The following MCUB variants were observed in gnomAD, a reference collection of about 807,000 sequenced individuals.
The protein encoded by MCUB is mitochondrial calcium uniporter dominant negative subunit beta.
In MCUB, 46 loss-of-function variants were observed where a neutral mutation model predicts 41.4. That is an observed-to-expected ratio of 1.11 (90% CI 0.88 to 1.42). The LOEUF is 1.42. Ranked by LOEUF, MCUB falls within the 40% of genes most tolerant of loss-of-function variation. The probability of loss-of-function intolerance (pLI) is 0.00; values close to 1 mark genes in which losing one functional copy is unlikely to be tolerated. For missense variants in MCUB, 403 were observed against 404.9 expected, an observed-to-expected ratio of 1.00 and a Z score of 0.04; for synonymous variants, 148 against 148.2, an observed-to-expected ratio of 1.00 and a Z score of 0.01.
At chr4:109,603,906 A>T (rs1420201264) in intron 1 of MCUB, among the ~76,000 whole-genome samples, 1 of 152,240 alleles carries the variant, frequency 6.6e-6, no homozygotes, top group Non-Finnish European at 1.5e-5. Context: ...CTCATTGAGA[A>T]CGGGCCATGA....
chr4:109,567,762 G>A (rs765301011), intron 1 of MCUB, among the ~76,000 whole-genome samples: 6 of 151,802 alleles, frequency 4.0e-5, no homozygotes, highest in Non-Finnish European at 7.4e-5. Flanking sequence ...GCAGTGGCAC[G>A]ATCTCAGCTC....
intron 4 of MCUB, among the ~76,000 whole-genome samples, chr4:109,667,800 C>T (rs1260779123): frequency 1.3e-5 from 2 of 150,698 alleles, no homozygotes; most frequent in East Asian, 3.9e-4. Flanking sequence ...CTATAGATTC[C>T]CCTCTGAGCA....
intron 1 of MCUB, among the ~76,000 whole-genome samples, chr4:109,642,744 C>T (rs1728747164): frequency 6.6e-6 from 1 of 152,008 alleles, no homozygotes; most frequent in South Asian, 2.1e-4. Flanking sequence ...GAATAGGAGG[C>T]TGGATCACAA....
rs192285662 is a variant in MCUB at position 109,572,819 on chromosome 4, C to T, written c.99+12383C>T. Among the ~76,000 whole-genome samples, 368 of 152,126 alleles carry T rather than the reference C, an allele frequency of 2.4e-3. 1 individual carries two copies. The highest frequency in any genetic ancestry group is 8.3e-3 in the African/African-American group (344 of 41,510). ...TCATACTACTACAATATAATTATTG[C>T]TTTATATAATGAAATGGCTAGATTG... On this transcript the variant is annotated intron_variant, in intron 1 of 7. Coordinates refer to ENST00000394650, the MANE Select transcript of MCUB (RefSeq NM_017918.5).
At position 109,612,263 on chromosome 4, in the gene MCUB, CT is replaced by C. The variant is rs56813205; in HGVS notation, c.100-46729del. 3.1e-3 allele frequency among the ~76,000 whole-genome samples: 354 copies of C among 114,790 alleles called. 4 individuals carry two copies. Among genetic ancestry groups the C allele is most frequent in the East Asian group, 0.014 (55 of 4,040 alleles). 75.3% of individuals were successfully genotyped at this position (114,790 alleles called of 152,430 possible). ...GGTATTTCTTCCTCCTCCTCCTTTT[CT>C]TTTTTTTTTTTTTTTTTTGAGAGCG... On this transcript the variant is annotated intron_variant, in intron 1 of 7. Coordinates refer to ENST00000394650, the MANE Select transcript of MCUB (RefSeq NM_017918.5).
chr4:109,611,584 A>T (rs941363747), intron 1 of MCUB, among the ~76,000 whole-genome samples: 2 of 152,218 alleles, frequency 1.3e-5, no homozygotes, highest in African/African-American at 4.8e-5. Flanking sequence ...ACAACAAAAA[A>T]ATTGTGACTT....
At chr4:109,602,882 A>G (rs779203067) in intron 1 of MCUB, among the ~76,000 whole-genome samples, 1 of 152,106 alleles carries the variant, frequency 6.6e-6, no homozygotes, top group Non-Finnish European at 1.5e-5. Context: ...TCTTGCATCT[A>G]TGATTTATAG....
At chr4:109,601,330 G>C (rs1203016230) in intron 1 of MCUB, among the ~76,000 whole-genome samples, 1 of 151,930 alleles carries the variant, frequency 6.6e-6, no homozygotes, top group East Asian at 1.9e-4. Context: ...TCAAATACTA[G>C]GTCTTATTCT....
At chr4:109,596,417 A>C (rs1727555951) in intron 1 of MCUB, among the ~76,000 whole-genome samples, 1 of 146,300 alleles carries the variant, frequency 6.8e-6, no homozygotes, top group Non-Finnish European at 1.5e-5. Flanking sequence ...AAGTCTCAAG[A>C]ATCCCATTAG....
chr4:109,608,983 G>A (rs1350225805), intron 1 of MCUB, among the ~76,000 whole-genome samples: 1 of 152,160 alleles, frequency 6.6e-6, no homozygotes, highest in Non-Finnish European at 1.5e-5. Flanking sequence ...TGCCTTGCTG[G>A]TGTTGGATAA....
chr4:109,597,400 C>T (rs1350473945), intron 1 of MCUB, among the ~76,000 whole-genome samples: 13 of 134,278 alleles, frequency 9.7e-5, no homozygotes, highest in South Asian at 2.5e-4. Flanking sequence ...GGCGGCTGGC[C>T]GGGCGGGGGG....
chr4:109,648,109 A>G (rs973179398), intron 1 of MCUB, among the ~76,000 whole-genome samples: 3 of 152,352 alleles, frequency 2.0e-5, no homozygotes, highest in African/African-American at 7.2e-5. Context: ...AAATATTTCA[A>G]TATTTTTTCT....
chr4:109,588,220 T>C (rs2126128058), intron 1 of MCUB, among the ~76,000 whole-genome samples: 1 of 152,346 alleles, frequency 6.6e-6, no homozygotes, highest in Admixed American at 6.5e-5. Flanking sequence ...TCTTTAACAA[T>C]GTGCCATCTA....
At chr4:109,624,890 A>C (rs1579071131) in intron 1 of MCUB, among the ~76,000 whole-genome samples, 1 of 152,210 alleles carries the variant, frequency 6.6e-6, no homozygotes, top group Non-Finnish European at 1.5e-5. Context: ...CTGTAATCCC[A>C]GCATTTTGGG....
intron 1 of MCUB, among the ~76,000 whole-genome samples, chr4:109,626,964 A>G (rs916698796): frequency 1.3e-5 from 2 of 152,174 alleles, no homozygotes; most frequent in Non-Finnish European, 2.9e-5. Context: ...GGACAAAACA[A>G]ATTTTATTTG....
chr4:109,656,355 T>A (rs1193567998), intron 1 of MCUB, among the ~76,000 whole-genome samples: 1 of 10,510 alleles, frequency 9.5e-5, no homozygotes, highest in Non-Finnish European at 1.8e-4. Flanking sequence ...TACTCTCTAC[T>A]TTTTTTTTTT....
In MCUB at chr4:109,682,640, A is replaced by G. The variant is rs1399484303; in HGVS notation, c.510A>G (p.Arg170=). The change falls in exon 5 of 8, where the codon AGA becomes AGG. Residue 170 remains arginine (R), a synonymous_variant. Coordinates refer to ENST00000394650, the MANE Select transcript of MCUB (RefSeq NM_017918.5). ...EMEHMKSLVH[R]LFTILHLEES... is the part of the protein sequence containing the mutation. Reference sequence around the variant, plus strand: ...AACACATGAAATCTTTGGTTCACAGACTATTTACAATCTTGCATTTAGAAG... The same window carrying G: ...AACACATGAAATCTTTGGTTCACAGGCTATTTACAATCTTGCATTTAGAAG... 1.2e-6 allele frequency: 2 copies of G among 1,613,300 alleles called. No individual in the cohort carries two copies. Among genetic ancestry groups the G allele is most frequent in the East Asian group, 2.2e-5 (1 of 44,870 alleles).
intron 1 of MCUB, among the ~76,000 whole-genome samples, chr4:109,615,682 T>G (rs1260601987): frequency 1.3e-5 from 2 of 152,134 alleles, no homozygotes; most frequent in Non-Finnish European, 2.9e-5. Flanking sequence ...GTGCTGGGAT[T>G]ACAGGCATGA....
intron 1 of MCUB, among the ~76,000 whole-genome samples, chr4:109,619,215 A>T (rs965630090): frequency 6.6e-5 from 10 of 152,144 alleles, no homozygotes; most frequent in Admixed American, 6.5e-4. Context: ...GGCTGGGATT[A>T]TAGGTGCCTG....
Sources: gnomAD v4.1 joint callset for allele counts (sites outside exome capture counted in the v4.1 genomes callset) on GRCh38, gnomAD v4.1.1 for gene constraint, MANE v1.5 for transcripts, NCBI Gene and HGNC (gene_info 2026-07-23, HGNC 2026-07-21) for gene names.